The following ANKRD12 variants were observed in gnomAD, a reference collection of about 807,000 sequenced individuals.
The protein encoded by ANKRD12 is ankyrin repeat domain 12, also known as ankyrin repeat domain-containing protein 12.
Under a neutral mutation model 183.4 loss-of-function variants are expected in ANKRD12, and 85 were observed. The observed-to-expected ratio is 0.46, with a 90% CI of 0.39 to 0.56. The LOEUF is 0.56. Among genes scored for constraint, ANKRD12 ranks in the 20% least tolerant of loss-of-function variants. ANKRD12 has a pLI of 0.00. For synonymous variants in ANKRD12, 914 were observed against 800.2 expected, an observed-to-expected ratio of 1.14 and a Z score of -2.40; for missense variants, 2,405 against 2,357.1, an observed-to-expected ratio of 1.02 and a Z score of -0.42.
intron 10 of ANKRD12, among the ~76,000 whole-genome samples, chr18:9,265,355 C>G (rs1255877263): frequency 1.3e-5 from 2 of 152,230 alleles, no homozygotes; most frequent in African/African-American, 2.4e-5. Context: ...CCCCGAGTAG[C>G]CTAACTGGGA....
chr18:9,256,793 G>A lies in ANKRD12; in HGVS notation c.3526G>A (p.Gly1176Arg), dbSNP rs748458767. 1.8e-5 allele frequency: 29 copies of A among 1,613,902 alleles called. No homozygotes were observed. In the Admixed American group the frequency reaches 4.5e-4, roughly 25 times the overall value. Residue 1176 changes from glycine to arginine, a missense_variant, in exon 9 of 13, where the codon GGG (glycine) becomes AGG (arginine). By Grantham distance (125) the Gly-to-Arg change is moderately radical. Coordinates refer to ENST00000262126, the MANE Select transcript of ANKRD12 (RefSeq NM_015208.5). ...TGACACCAAAAATGTAATGACTTTA[G>A]GGAAGTCATCTTTTGTTTCAGATAA... ...SVDTKNVMTL[G>R]KSSFVSDNSL... is the part of the protein sequence containing the mutation.
At position 9,156,319 on chromosome 18, in the gene ANKRD12, A is replaced by G. The variant is rs548157264; in HGVS notation, c.-52+19354A>G. ...TCTGAAATTCATTTGGTGAGAATTA[A>G]GATAATTTTGAAAAAGAAAAACGGT... On this transcript the variant is annotated intron_variant, in intron 1 of 12. Transcript: ENST00000262126. 5.3e-5 allele frequency among the ~76,000 whole-genome samples: 8 copies of G among 152,230 alleles called. No individual in the cohort carries two copies. The South Asian group carries it at 1.7e-3, about 32-fold the overall frequency.
At chr18:9,147,597 C>A (rs1333905164) in intron 1 of ANKRD12, among the ~76,000 whole-genome samples, 2 of 152,192 alleles carry the variant, frequency 1.3e-5, no homozygotes, top group African/African-American at 4.8e-5. Flanking sequence ...AGCCTGACCT[C>A]TTCCATCTTA....
intron 8 of ANKRD12, chr18:9,249,563 A>G (rs2038162549): frequency 6.6e-6 from 1 of 152,178 alleles, no homozygotes; most frequent in African/African-American, 2.4e-5. Context: ...TTCCAATGCA[A>G]ATACACTCTC....
At chr18:9,222,472 T>C (rs914944554) in intron 8 of ANKRD12, among the ~76,000 whole-genome samples, 8 of 151,984 alleles carry the variant, frequency 5.3e-5, no homozygotes, top group African/African-American at 9.7e-5. Context: ...TTCTTTCTTT[T>C]TTTTTTTTTT....
At chr18:9,198,363 A>G (rs1256217650) in intron 3 of ANKRD12, among the ~76,000 whole-genome samples, 2 of 152,162 alleles carry the variant, frequency 1.3e-5, no homozygotes, top group Admixed American at 1.3e-4. Context: ...ATCAAGAAAT[A>G]CAATTTATGG....
At chr18:9,247,358 A>C (rs1202086655) in intron 8 of ANKRD12, among the ~76,000 whole-genome samples, 1 of 151,258 alleles carries the variant, frequency 6.6e-6, no homozygotes, top group African/African-American at 2.4e-5. Context: ...GTGTACCTGT[A>C]GTCCTAGCTA....
intron 1 of ANKRD12, among the ~76,000 whole-genome samples, chr18:9,181,119 A>G (rs73392366): frequency 0.01 from 1,589 of 152,300 alleles, 36 homozygotes; most frequent in African/African-American, 0.036. Flanking sequence ...TAATGTCAAA[A>G]AAGTTTCTTA....
chr18:9,170,522 C>T (rs967474588), intron 1 of ANKRD12, among the ~76,000 whole-genome samples: 6 of 152,322 alleles, frequency 3.9e-5, no homozygotes, highest in South Asian at 2.1e-4. Flanking sequence ...CTTCTGCATT[C>T]GTCATGTAGC....
chr18:9,150,566 A>G (rs1198933924), intron 1 of ANKRD12, among the ~76,000 whole-genome samples: 1 of 152,206 alleles, frequency 6.6e-6, no homozygotes, highest in Non-Finnish European at 1.5e-5. Flanking sequence ...AAAAGATTGT[A>G]GATGCCTGTA....
intron 2 of ANKRD12, among the ~76,000 whole-genome samples, chr18:9,192,451 CT>C (rs949717804): frequency 7.9e-5 from 12 of 152,182 alleles, no homozygotes; most frequent in Non-Finnish European, 1.8e-4. Context: ...CTGTTTAGGA[CT>C]TTTGCATTTA....
intron 1 of ANKRD12, among the ~76,000 whole-genome samples, chr18:9,178,519 A>G (rs902771913): frequency 1.3e-5 from 2 of 152,240 alleles, no homozygotes; most frequent in African/African-American, 2.4e-5. Context: ...CTGTCTTTAC[A>G]TTAGTAAACA....
Position 9,260,574 on chromosome 18 carries a change from A to G in ANKRD12, c.5664+1643A>G, listed in dbSNP as rs575344894. 2.0e-5 allele frequency among the ~76,000 whole-genome samples: 3 copies of G among 152,202 alleles called. No individual in the cohort carries two copies. In the South Asian group the frequency reaches 6.2e-4, roughly 32 times the overall value. On this transcript the variant is annotated intron_variant, in intron 9 of 12. Transcript: ENST00000262126. ...CTACTGTGGCCACTGATTACACACT[A>G]CAGAAATCTTGGAGGGGTTCCAAGA...
rs545369353 is a variant in ANKRD12 at position 9,172,663 on chromosome 18, A to G, written c.-51-9719A>G. Reference sequence around the variant, plus strand: ...TAGCTTCTTTGCATTGGGTTGCAACATGCTCCTTTAGCTCAGCCAAGTTCA... The same window carrying G: ...TAGCTTCTTTGCATTGGGTTGCAACGTGCTCCTTTAGCTCAGCCAAGTTCA... On this transcript the variant is annotated intron_variant, in intron 1 of 12. Transcript: ENST00000262126. Among the ~76,000 whole-genome samples the G allele has an allele frequency of 7.9e-5, 12 of 152,272 alleles. No individual in the cohort carries two copies. In the South Asian group the frequency reaches 1.2e-3, roughly 16 times the overall value.
chr18:9,240,323 T>TTTTCCATTAG (rs2144987716), intron 8 of ANKRD12, among the ~76,000 whole-genome samples: 1 of 152,316 alleles, frequency 6.6e-6, no homozygotes, highest in African/African-American at 2.4e-5. Context: ...ACTTCTGCCT[T>TTTTCCATTAG]TTTCCATTAG....
In ANKRD12 at chr18:9,236,020, A is replaced by G. The variant is rs373030567; in HGVS notation, c.943+14021A>G. Among the ~76,000 whole-genome samples, 28 of 151,504 alleles carry G rather than the reference A, an allele frequency of 1.8e-4. No individual in the cohort carries two copies. The East Asian group carries it at 3.3e-3, about 18-fold the overall frequency. On this transcript the variant is annotated intron_variant, in intron 8 of 12. Transcript: ENST00000262126. ...AAGGGAAAAGCCTTATATGTTTTCTATGCTTTTGAGAAGGGACCAGCAATA... is the reference window on the plus strand; with the variant it reads ...AAGGGAAAAGCCTTATATGTTTTCTGTGCTTTTGAGAAGGGACCAGCAATA...
At chr18:9,169,088 T>C (rs537570411) in intron 1 of ANKRD12, among the ~76,000 whole-genome samples, 2 of 152,212 alleles carry the variant, frequency 1.3e-5, no homozygotes, top group East Asian at 3.9e-4. Context: ...TGAGAGACAG[T>C]TTGTTATAAT....
chr18:9,202,442 A>AT (rs35368022), intron 3 of ANKRD12, among the ~76,000 whole-genome samples: 2,691 of 152,194 alleles, frequency 0.018, 30 homozygotes, highest in Non-Finnish European at 0.03. Context: ...ACCTTTGGTG[A>AT]TTTTTTCATG....
intron 1 of ANKRD12, among the ~76,000 whole-genome samples, chr18:9,160,217 G>A (rs1347922664): frequency 1.3e-5 from 2 of 152,182 alleles, no homozygotes; most frequent in African/African-American, 4.8e-5. Context: ...GTGGACTCAG[G>A]TGATCCTCCC....
Sources: gnomAD v4.1 joint callset for allele counts (sites outside exome capture counted in the v4.1 genomes callset) on GRCh38, gnomAD v4.1.1 for gene constraint, MANE v1.5 for transcripts, NCBI Gene and HGNC (gene_info 2026-07-23, HGNC 2026-07-21) for gene names.